NPY2R: variants seen among roughly 807,000 people sequenced by gnomAD.
NPY2R encodes the protein neuropeptide Y receptor Y2.
NPY2R carries 17 observed loss-of-function variants against 22.3 expected under a neutral mutation model. The ratio of observed to expected loss-of-function variants is 0.76; its 90% confidence interval spans 0.52 to 1.14. The LOEUF (loss-of-function observed/expected upper bound fraction) is 1.14. Among genes scored for constraint, NPY2R ranks in the 50% most tolerant of loss-of-function variants. The pLI is 0.00. For synonymous variants in NPY2R, 209 were observed against 183.4 expected (o/e 1.14, Z -1.13); for missense variants, 424 against 467.9 (o/e 0.91, Z 0.87).
At chr4:155,210,672 T>TG (rs778794785) in intron 1 of NPY2R, among the ~76,000 whole-genome samples, 1 of 152,166 alleles carries the variant, frequency 6.6e-6, no homozygotes, top group African/African-American at 2.4e-5. Context: ...GAAAAGAGGC[T>TG]GGGGCTCCTT....
At chr4:155,185,490 T>G in the NPY2R span, among the ~76,000 whole-genome samples, 7 of 152,178 alleles carry the variant, frequency 4.6e-5, no homozygotes, top group Admixed American at 4.6e-4. Flanking sequence ...TGTACAAAAT[T>G]ATCATTTGAT....
chr4:155,214,284 G>A lies in NPY2R; in HGVS notation c.345G>A (p.Glu115=). The A allele has an allele frequency of 6.2e-7, 1 of 1,614,122 alleles. No homozygotes were observed. The highest frequency in any genetic ancestry group is 8.5e-7 in the Non-Finnish European group (1 of 1,180,000). Residue 115 remains glutamate, a synonymous_variant, in exon 2 of 2, where the codon GAG becomes GAA. Transcript: ENST00000329476. ...PFTLTYTLMG[E]WKMGPVLCHL... ...CTCTTACCTATACCTTAATGGGGGA[G>A]TGGAAAATGGGTCCTGTCCTGTGCC...
At chr4:155,193,307 C>T in the NPY2R span, among the ~76,000 whole-genome samples, 1 of 151,856 alleles carries the variant, frequency 6.6e-6, no homozygotes, top group Non-Finnish European at 1.5e-5. Context: ...TGCCCAGAAG[C>T]CTAATGGCTA....
At position 155,216,476 on chromosome 4, in the gene NPY2R, A is replaced by G. The variant is rs1371864725; in HGVS notation, c.*1391A>G. The G allele has an allele frequency of 6.0e-6, 1 of 166,800 alleles. No individual in the cohort carries two copies. The highest frequency in any genetic ancestry group is 1.5e-5 in the Non-Finnish European group (1 of 68,056). The allele number at this position is 166,800 out of a possible 1,614,324, so 10.3% of individuals were successfully genotyped here. A position where few individuals can be genotyped will look rare whatever the true frequency, so the allele number is the denominator to read the frequency against. ...ATGCTATTAAAGTTTCATTAGTCAT[A>G]TTTTTGTAAATATGACAGAATTTGT... is the stretch of plus-strand genomic sequence containing the variant. On this transcript the variant is annotated 3_prime_UTR_variant, in exon 2 of 2. Coordinates refer to ENST00000329476, the MANE Select transcript of NPY2R (RefSeq NM_000910.4).
the NPY2R span, among the ~76,000 whole-genome samples, chr4:155,199,013 A>G: frequency 6.6e-6 from 1 of 152,044 alleles, no homozygotes; most frequent in Non-Finnish European, 1.5e-5. Flanking sequence ...CCAATACAAG[A>G]GTAAATCTAC....
chr4:155,212,500 C>A (rs574427944), intron 1 of NPY2R, among the ~76,000 whole-genome samples: 14 of 152,204 alleles, frequency 9.2e-5, no homozygotes, highest in African/African-American at 3.4e-4. Context: ...CCGGCAAAAA[C>A]CCTAGTTCAA....
Position 155,214,839 on chromosome 4 carries a change from G to A in NPY2R, c.900G>A (p.Leu300=), listed in dbSNP as rs1412785696. Residue 300 remains leucine (L), a synonymous_variant, in exon 2 of 2, where the codon CTG becomes CTA. Coordinates refer to ENST00000329476, the MANE Select transcript of NPY2R (RefSeq NM_000910.4). Reference sequence around the variant, plus strand: ...ACATTGACAGCCAGGTCCTGGACCTGAAGGAGTACAAACTCATCTTCACAG... The same window carrying A: ...ACATTGACAGCCAGGTCCTGGACCTAAAGGAGTACAAACTCATCTTCACAG... ...AVDIDSQVLD[L]KEYKLIFTVF... is the part of the protein sequence containing the mutation. 2.5e-5 allele frequency: 40 copies of A among 1,610,152 alleles called. No homozygotes were observed. Among genetic ancestry groups the A allele is most frequent in the Non-Finnish European group, 3.4e-5 (40 of 1,177,610 alleles).
Position 155,215,158 on chromosome 4 carries a change from G to A in NPY2R, c.*73G>A, listed in dbSNP as rs899287760. On this transcript the variant is annotated 3_prime_UTR_variant, in exon 2 of 2. Coordinates refer to ENST00000329476, the MANE Select transcript of NPY2R (RefSeq NM_000910.4). ...GAATCTGGTTGATGGCGGCTCACAA[G>A]TGAAAACTGATTTCCCATTTTAAAG... 1.0e-5 allele frequency: 14 copies of A among 1,353,440 alleles called. No individual in the cohort carries two copies. The highest frequency in any genetic ancestry group is 1.5e-5 in the Non-Finnish European group (14 of 948,484). The allele number at this position is 1,353,440 out of a possible 1,614,324, so 83.8% of individuals were successfully genotyped here.
the NPY2R span, among the ~76,000 whole-genome samples, chr4:155,175,447 C>A: frequency 1.3e-5 from 2 of 152,116 alleles, no homozygotes; most frequent in Non-Finnish European, 2.9e-5. Context: ...CTCACTTCTG[C>A]TGTCTGGTCA....
rs892678229 is a variant in NPY2R, at chr4:155,214,395, C to T, written c.456C>T (p.Ile152=). Residue 152 remains isoleucine (I), a synonymous_variant, in exon 2 of 2, where the codon ATC becomes ATT. Coordinates refer to ENST00000329476, the MANE Select transcript of NPY2R (RefSeq NM_000910.4). Reference sequence around the variant, plus strand: ...TTGCCCTGGACCGGCACAGGTGCATCGTCTACCACCTAGAGAGCAAGATCT... The same window carrying T: ...TTGCCCTGGACCGGCACAGGTGCATTGTCTACCACCTAGAGAGCAAGATCT... ...TVIALDRHRC[I]VYHLESKISK... is the part of the protein sequence containing the mutation. 3.7e-6 allele frequency: 6 copies of T among 1,614,114 alleles called. No individual in the cohort carries two copies. Among genetic ancestry groups the T allele is most frequent in the South Asian group, 1.1e-5 (1 of 91,072 alleles).
the NPY2R span, among the ~76,000 whole-genome samples, chr4:155,186,765 C>T: frequency 2.4e-4 from 37 of 152,140 alleles, no homozygotes; most frequent in African/African-American, 8.7e-4. Context: ...TTGGTAACCA[C>T]TGTTTTACTC....
At chr4:155,198,136 T>A in the NPY2R span, among the ~76,000 whole-genome samples, 3 of 151,996 alleles carry the variant, frequency 2.0e-5, no homozygotes, top group East Asian at 1.9e-4. Context: ...TATTAAATGT[T>A]GGTATCTAAC....
chr4:155,214,566 C>G lies in NPY2R; in HGVS notation c.627C>G (p.Gly209=). 1 of 1,614,104 alleles carries G rather than the reference C, an allele frequency of 6.2e-7. No homozygotes were observed. The highest frequency in any genetic ancestry group is 2.2e-5 in the East Asian group (1 of 44,866). ...TGGCCTGTACTGAAAAGTGGCCTGGCGAGGAGAAGAGCATCTATGGCACTG... is the reference window on the plus strand; with the variant it reads ...TGGCCTGTACTGAAAAGTGGCCTGGGGAGGAGAAGAGCATCTATGGCACTG... ...EIVACTEKWP[G]EEKSIYGTVY... is the part of the protein sequence containing the mutation. The change falls in exon 2 of 2, where the codon GGC becomes GGG. Residue 209 remains glycine, a synonymous_variant. Coordinates refer to ENST00000329476, the MANE Select transcript of NPY2R (RefSeq NM_000910.4).
intron 1 of NPY2R, among the ~76,000 whole-genome samples, chr4:155,212,778 T>G (rs1729433647): frequency 6.6e-6 from 1 of 152,226 alleles, no homozygotes; most frequent in South Asian, 2.1e-4. Context: ...CTGCGGGTTC[T>G]CTTAAATGTA....
the NPY2R span, among the ~76,000 whole-genome samples, chr4:155,178,899 A>G: frequency 6.6e-6 from 1 of 152,128 alleles, no homozygotes; most frequent in African/African-American, 2.4e-5. Flanking sequence ...CAAATGTTAG[A>G]CAACTTGATA....
upstream of NPY2R, among the ~76,000 whole-genome samples, chr4:155,205,853 C>CTATG (rs1163596045): frequency 5.4e-5 from 8 of 148,976 alleles, no homozygotes; most frequent in Non-Finnish European, 3.0e-5. Context: ...ATCTATCTAT[C>CTATG]TATGATTTCT....
the NPY2R span, among the ~76,000 whole-genome samples, chr4:155,194,088 A>G: frequency 6.6e-6 from 1 of 150,808 alleles, no homozygotes; most frequent in African/African-American, 2.4e-5. Flanking sequence ...TTTAAAAAAT[A>G]TACATACAGT....
the NPY2R span, among the ~76,000 whole-genome samples, chr4:155,183,027 A>C: frequency 6.6e-6 from 1 of 152,152 alleles, no homozygotes; most frequent in Non-Finnish European, 1.5e-5. Flanking sequence ...TCCTGACCTC[A>C]GGTGATCCAC....
chr4:155,202,664 C>G, the NPY2R span, among the ~76,000 whole-genome samples: 4 of 152,062 alleles, frequency 2.6e-5, no homozygotes, highest in Non-Finnish European at 5.9e-5. Flanking sequence ...TATGTGAAAA[C>G]TGTATATAAA....
Sources: allele counts gnomAD v4.1 joint callset (sites outside exome capture counted in the v4.1 genomes callset), GRCh38; gene constraint gnomAD v4.1.1; transcripts MANE v1.5; gene names NCBI Gene and HGNC (gene_info 2026-07-23, HGNC 2026-07-21).